Variants in PRKX observed in about 807,000 individuals in gnomAD.
The protein encoded by PRKX is protein kinase cAMP-dependent X-linked catalytic subunit.
PRKX carries 12 observed loss-of-function variants against 22.0 expected under a neutral mutation model. That is an observed-to-expected ratio of 0.54 (90% CI 0.35 to 0.88). The LOEUF (loss-of-function observed/expected upper bound fraction) is 0.88, where lower values mean the gene tolerates loss of function less well. Among genes scored for constraint, PRKX ranks in the 40% least tolerant of loss-of-function variants. The pLI is 0.01. For synonymous variants in PRKX, 134 were observed against 137.7 expected (o/e 0.97, Z 0.19); for missense variants, 217 against 308.0 (o/e 0.70, Z 2.21).
chrX:3,626,202 AC>A (rs904032218), intron 5 of PRKX, among the ~76,000 whole-genome samples: 1 of 112,512 alleles, frequency 8.9e-6, no homozygotes, highest in Non-Finnish European at 1.9e-5. Context: ...CCAAAAGAAC[AC>A]AATACGGCCA....
intron 4 of PRKX, among the ~76,000 whole-genome samples, chrX:3,639,493 T>G (rs1197446355): frequency 4.8e-3 from 37 of 7,706 alleles, no homozygotes; most frequent in Admixed American, 5.1e-3. Context: ...GGTGGGGGAG[T>G]GGGTACATGG....
At chrX:3,653,298 G>A (rs766175017) in intron 3 of PRKX, among the ~76,000 whole-genome samples, 47 of 110,016 alleles carry the variant, frequency 4.3e-4, no homozygotes, top group African/African-American at 1.4e-3. Context: ...CGCCGTCTAC[G>A]AACCAGGAAG....
intron 2 of PRKX, among the ~76,000 whole-genome samples, chrX:3,658,889 G>C (rs765891797): frequency 1.9e-4 from 21 of 111,586 alleles, no homozygotes; most frequent in African/African-American, 6.5e-4. Context: ...TTGTCTGCTA[G>C]CACAGGCCAT....
intron 1 of PRKX, among the ~76,000 whole-genome samples, chrX:3,687,478 A>G (rs1426127439): frequency 1.8e-5 from 2 of 112,097 alleles, no homozygotes; most frequent in South Asian, 3.7e-4. Flanking sequence ...TATACACCTA[A>G]GAGGTAAGTG....
chrX:3,675,947 G>A (rs754157204), intron 1 of PRKX, among the ~76,000 whole-genome samples: 53 of 111,139 alleles, frequency 4.8e-4, no homozygotes, highest in African/African-American at 1.2e-3. Context: ...GTCACACTGC[G>A]TTGCTCAGGC....
intron 6 of PRKX, among the ~76,000 whole-genome samples, chrX:3,616,371 G>A (rs930021001): frequency 4.5e-5 from 5 of 111,256 alleles, no homozygotes; most frequent in African/African-American, 1.6e-4. Flanking sequence ...AGAGACCTTA[G>A]GAACGACATT....
intron 6 of PRKX, among the ~76,000 whole-genome samples, chrX:3,617,570 CAGG>C (rs1471223461): frequency 9.1e-6 from 1 of 110,451 alleles, no homozygotes; most frequent in African/African-American, 3.3e-5. Flanking sequence ...CACTTGACGC[CAGG>C]AGGTCAAGGC....
At chrX:3,664,684 C>T (rs371583270) in intron 2 of PRKX, among the ~76,000 whole-genome samples, 2 of 112,183 alleles carry the variant, frequency 1.8e-5, no homozygotes, top group East Asian at 5.6e-4. Context: ...AACTGGAAAC[C>T]ACTATCCTAA....
intron 5 of PRKX, among the ~76,000 whole-genome samples, chrX:3,624,284 G>C (rs1262118009): frequency 9.0e-6 from 1 of 111,704 alleles, no homozygotes; most frequent in Non-Finnish European, 1.9e-5. Flanking sequence ...ATGGGAAGAA[G>C]TGAACTGTCA....
intron 5 of PRKX, 140 bp from the exon 6 acceptor site, chrX:3,621,456 A>G (rs1926555894): frequency 1.9e-6 from 1 of 533,088 alleles, no homozygotes; most frequent in Non-Finnish European, 3.0e-6. Context: ...AACACTTTCT[A>G]GTGCTTATTT....
Position 3,713,330 on chromosome X carries a change from G to T in PRKX, c.-77C>A. The T allele has an allele frequency of 1.1e-6, 1 of 875,374 alleles. No homozygotes were observed. The highest frequency in any genetic ancestry group is 1.4e-6 in the Non-Finnish European group (1 of 696,040). 72.1% of individuals were successfully genotyped at this position (875,374 alleles called of 1,213,427 possible). On this transcript the variant is annotated 5_prime_UTR_variant, in exon 1 of 9. Coordinates refer to ENST00000262848, the MANE Select transcript of PRKX (RefSeq NM_005044.5). The stretch of plus-strand genomic sequence containing the variant: ...CCGGGCTTCCCGGGACGCAGCCTCG[G>T]AGGGCGGCGCGGCGGCGGCATCAAC...
chrX:3,659,788 G>A (rs1434515963), intron 2 of PRKX, among the ~76,000 whole-genome samples: 2 of 97,338 alleles, frequency 2.1e-5, no homozygotes, highest in Admixed American at 1.2e-4. Flanking sequence ...GCAATGGCAC[G>A]ATCTTGGCTC....
chrX:3,669,764 C>T (rs1319458251), intron 2 of PRKX, among the ~76,000 whole-genome samples: 1 of 111,985 alleles, frequency 8.9e-6, no homozygotes, highest in East Asian at 2.8e-4. Flanking sequence ...CATCTATCTA[C>T]TCACCTATCA....
In PRKX at chrX:3,713,489, G is replaced by T. The variant is rs1856995141; in HGVS notation, c.-236C>A. 7.9e-6 allele frequency: 2 copies of T among 251,727 alleles called. No homozygotes were observed. Among genetic ancestry groups the T allele is most frequent in the Admixed American group, 6.8e-5 (1 of 14,667 alleles). 20.7% of individuals were successfully genotyped at this position (251,727 alleles called of 1,213,427 possible). Reference sequence around the variant, plus strand: ...CGAGTGGGAGCAGCCGCCGGCCTCGGGGGGCGGGCACCGAGTGCGGGACGA... The same window carrying T: ...CGAGTGGGAGCAGCCGCCGGCCTCGTGGGGCGGGCACCGAGTGCGGGACGA... On this transcript the variant is annotated 5_prime_UTR_variant, in exon 1 of 9. Transcript: ENST00000262848.
In PRKX at chrX:3,713,546, TG is replaced by T. The variant is rs1409485264; in HGVS notation, c.-294del. 1.5e-4 allele frequency: 26 copies of T among 178,643 alleles called. No individual in the cohort carries two copies. The highest frequency in any genetic ancestry group is 3.9e-4 in the East Asian group (4 of 10,183). 14.7% of individuals were successfully genotyped at this position (178,643 alleles called of 1,213,427 possible). ...GGAAGGCGGGGGCCGCGGCCCGGGC[TG>T]GGGGGGGCGAGGCGGGGGCCCTGCG... On this transcript the variant is annotated 5_prime_UTR_variant, in exon 1 of 9. The change creates a premature stop within an existing upstream ORF in the 5' untranslated region. Transcript: ENST00000262848.
At chrX:3,680,874 G>A (rs977052105) in intron 1 of PRKX, among the ~76,000 whole-genome samples, 5 of 110,913 alleles carry the variant, frequency 4.5e-5, no homozygotes, top group East Asian at 2.8e-4. Flanking sequence ...GCAACACAGC[G>A]AGAGCCCCTT....
chrX:3,703,693 T>C (rs372850071), intron 1 of PRKX, among the ~76,000 whole-genome samples: 122 of 89,162 alleles, frequency 1.4e-3, no homozygotes, highest in African/African-American at 5.0e-3. Context: ...TTTTTTGAGA[T>C]GGAGTCTCAC....
In PRKX at chrX:3,651,682, T is replaced by C. The variant is rs766347837; in HGVS notation, c.599+3467A>G. 3.6e-5 allele frequency among the ~76,000 whole-genome samples: 4 copies of C among 111,422 alleles called. No homozygotes were observed. In the East Asian group the frequency reaches 1.1e-3, roughly 31 times the overall value. On this transcript the variant is annotated intron_variant, in intron 3 of 8. Transcript: ENST00000262848. ...AGTGTAAAACTGCCCCCACATCAAG[T>C]TTCTCAAAATGCAGACGGTTTTACA... is the stretch of plus-strand genomic sequence containing the variant.
chrX:3,689,704 G>T (rs369520758), intron 1 of PRKX, among the ~76,000 whole-genome samples: 1 of 111,430 alleles, frequency 9.0e-6, no homozygotes. Flanking sequence ...TGGGCTGGGC[G>T]CGGTGGCTCA....
Sources: allele counts gnomAD v4.1 joint callset (sites outside exome capture counted in the v4.1 genomes callset), GRCh38; gene constraint gnomAD v4.1.1; transcripts MANE v1.5; gene names NCBI Gene and HGNC (gene_info 2026-07-23, HGNC 2026-07-21).